SEM1: variants seen among roughly 807,000 people sequenced by gnomAD.
The protein encoded by SEM1 is 26S proteasome complex subunit SEM1.
SEM1 carries 3 observed loss-of-function variants against 12.7 expected under a neutral mutation model. The ratio of observed to expected loss-of-function variants is 0.24; its 90% CI spans 0.11 to 0.61. SEM1 has a LOEUF of 0.61. SEM1 is among the 20% of genes least tolerant of loss of function. The pLI, the probability that SEM1 is intolerant of heterozygous loss-of-function variation, is 0.88. For missense variants in SEM1, 59 were observed against 81.3 expected (o/e 0.73, Z 1.06); for synonymous variants, 30 against 27.8 (o/e 1.08, Z -0.25).
intron 2 of SEM1, among the ~76,000 whole-genome samples, chr7:96,594,817 A>G (rs2116156062): frequency 1.3e-5 from 2 of 152,346 alleles, no homozygotes; most frequent in South Asian, 4.1e-4. Flanking sequence ...ATAATGGAAT[A>G]TGAAACTAAA....
chr7:96,535,742 A>C (rs561870713), intron 2 of SEM1, among the ~76,000 whole-genome samples: 3 of 152,072 alleles, frequency 2.0e-5, no homozygotes, highest in African/African-American at 7.2e-5. Flanking sequence ...TAATTCACTT[A>C]GGATAATGGC....
intron 2 of SEM1, among the ~76,000 whole-genome samples, chr7:96,628,730 C>T (rs1032844639): frequency 2.0e-5 from 3 of 152,088 alleles, no homozygotes; most frequent in Non-Finnish European, 2.9e-5. Context: ...TTACTATTAC[C>T]AGTGAGTTTT....
upstream of SEM1, among the ~76,000 whole-genome samples, chr7:96,500,147 T>C (rs1803465025): frequency 6.6e-6 from 1 of 152,084 alleles, no homozygotes; most frequent in South Asian, 2.1e-4. Context: ...CATAGATACA[T>C]TTTAGTCTCC....
At chr7:96,497,809 T>C (rs1031791662), upstream of SEM1, among the ~76,000 whole-genome samples, 1 of 152,106 alleles carries the variant, frequency 6.6e-6, no homozygotes, top group Non-Finnish European at 1.5e-5. Flanking sequence ...CCAAAGTATT[T>C]CCAGACTGGG....
chr7:96,678,862 TACA>T (rs1269038954), intron 2 of SEM1, among the ~76,000 whole-genome samples: 1 of 152,136 alleles, frequency 6.6e-6, no homozygotes, highest in Non-Finnish European at 1.5e-5. Context: ...TTTATTAGTC[TACA>T]ACAATAAATT....
intron 2 of SEM1, among the ~76,000 whole-genome samples, chr7:96,605,727 G>A (rs1807331611): frequency 1.3e-5 from 2 of 151,866 alleles, no homozygotes; most frequent in Admixed American, 6.6e-5. Flanking sequence ...TTTGATTGCC[G>A]TACAGTAGTC....
chr7:96,556,518 C>T lies in SEM1; in HGVS notation c.171-49820G>A, dbSNP rs189044674. Among the ~76,000 whole-genome samples, 403 of 152,106 alleles carry T rather than the reference C, an allele frequency of 2.6e-3. 2 individuals are homozygous for T. The highest frequency in any genetic ancestry group is 0.015 in the South Asian group (72 of 4,812). On this transcript the variant is annotated intron_variant and NMD_transcript_variant, in intron 2 of 3. Transcript: ENST00000466986. ...TTCTTTAAGAATGTTGAATATTGGC[C>T]CCCACTCTCTTCTGTCTTCTAGGGT...
At chr7:96,537,050 T>A (rs1440576363) in intron 2 of SEM1, among the ~76,000 whole-genome samples, 1 of 151,938 alleles carries the variant, frequency 6.6e-6, no homozygotes, top group East Asian at 1.9e-4. Context: ...CCATTCTGTT[T>A]CAAATATTAT....
At chr7:96,705,482 A>T (rs1790423941) in intron 1 of SEM1, among the ~76,000 whole-genome samples, 1 of 152,156 alleles carries the variant, frequency 6.6e-6, no homozygotes, top group African/African-American at 2.4e-5. Context: ...AACTAATAAA[A>T]ATATTTTTTA....
intron 2 of SEM1, among the ~76,000 whole-genome samples, chr7:96,554,304 C>G (rs1805401713): frequency 3.0e-5 from 3 of 100,924 alleles, no homozygotes; most frequent in South Asian, 7.4e-4. Context: ...CCAGTTTTTG[C>G]CCATTCAGTA....
chr7:96,568,374 A>C (rs560089271), intron 2 of SEM1, among the ~76,000 whole-genome samples: 1 of 151,980 alleles, frequency 6.6e-6, no homozygotes, highest in African/African-American at 2.4e-5. Context: ...TTAAAAACTT[A>C]TGTTAATGGT....
chr7:96,497,070 T>C (rs924321519), upstream of SEM1, among the ~76,000 whole-genome samples: 1 of 151,932 alleles, frequency 6.6e-6, no homozygotes, highest in Admixed American at 6.6e-5. Context: ...TCATCTAATG[T>C]TGAACAATGT....
downstream of SEM1, chr7:96,688,293 A>G (rs1789821403): frequency 6.6e-6 from 1 of 152,134 alleles, no homozygotes; most frequent in African/African-American, 2.4e-5. Flanking sequence ...CTCAATTTTA[A>G]TAGAAGACAC....
At chr7:96,555,052 A>C (rs1307924305) in intron 2 of SEM1, among the ~76,000 whole-genome samples, 2 of 149,898 alleles carry the variant, frequency 1.3e-5, no homozygotes, top group Non-Finnish European at 3.0e-5. Flanking sequence ...TATCCCCTTT[A>C]TCATTTTTTA....
Position 96,548,605 on chromosome 7 carries a change from G to A in SEM1, c.171-41907C>T, listed in dbSNP as rs529685493. 2.6e-5 allele frequency among the ~76,000 whole-genome samples: 4 copies of A among 152,246 alleles called. No individual in the cohort carries two copies. In the East Asian group the frequency reaches 7.7e-4, roughly 29 times the overall value. ...CTGCTACTTATTAGTGATTGTTAATGAAAATCACTGAATTTTACTGAATTT... is the reference window on the plus strand; with the variant it reads ...CTGCTACTTATTAGTGATTGTTAATAAAAATCACTGAATTTTACTGAATTT... On this transcript the variant is annotated intron_variant and NMD_transcript_variant, in intron 2 of 3. Transcript: ENST00000466986.
chr7:96,622,410 T>C (rs1807923469), downstream of SEM1: 1 of 518,090 alleles, frequency 1.9e-6, no homozygotes, highest in Non-Finnish European at 3.4e-6. Context: ...TGTATTTGAA[T>C]CACTGAGGGG....
chr7:96,555,193 T>C (rs536763276), intron 2 of SEM1, among the ~76,000 whole-genome samples: 107 of 151,968 alleles, frequency 7.0e-4, no homozygotes, highest in Middle Eastern at 3.4e-3. Flanking sequence ...TGTCTCTATT[T>C]CCTTCAGTTC....
intron 2 of SEM1, among the ~76,000 whole-genome samples, chr7:96,529,337 G>A (rs888263237): frequency 4.6e-5 from 7 of 151,960 alleles, no homozygotes; most frequent in African/African-American, 1.7e-4. Flanking sequence ...TACCATGAAG[G>A]CCTCCTTGAA....
At chr7:96,555,958 C>T (rs1260843728) in intron 2 of SEM1, among the ~76,000 whole-genome samples, 1 of 142,860 alleles carries the variant, frequency 7.0e-6, no homozygotes, top group Non-Finnish European at 1.5e-5. Flanking sequence ...CCTTCTTTGT[C>T]TTTTTTGATC....
Sources: allele counts gnomAD v4.1 joint callset (sites outside exome capture counted in the v4.1 genomes callset), GRCh38; gene constraint gnomAD v4.1.1; transcripts MANE v1.5; gene names NCBI Gene and HGNC (gene_info 2026-07-23, HGNC 2026-07-21).